Variants in CPNE4 observed in about 807,000 individuals in gnomAD.
CPNE4 encodes the protein copine-4.
Under a neutral mutation model 67.9 loss-of-function variants are expected in CPNE4, and 25 were observed. The observed-to-expected ratio is 0.37, with a 90% CI of 0.27 to 0.51. The LOEUF (loss-of-function observed/expected upper bound fraction) is 0.51, where lower values mean the gene tolerates loss of function less well. Among genes scored for constraint, CPNE4 ranks in the 20% least tolerant of loss-of-function variants. The probability of loss-of-function intolerance (pLI) is 0.93; values close to 1 mark genes in which losing one functional copy is unlikely to be tolerated. For missense variants in CPNE4, 464 were observed against 690.8 expected (o/e 0.67, Z 3.68); for synonymous variants, 242 against 244.9 (o/e 0.99, Z 0.11).
intron 10 of CPNE4, among the ~76,000 whole-genome samples, chr3:131,565,063 C>T (rs894548278): frequency 1.3e-5 from 2 of 151,966 alleles, no homozygotes; most frequent in African/African-American, 2.4e-5. Context: ...GTATCATAAT[C>T]ATGTAAGTAA....
At chr3:131,986,863 C>CAAAAAAAAAAA (rs1560740701) in intron 1 of CPNE4, among the ~76,000 whole-genome samples, 1 of 66,146 alleles carries the variant, frequency 1.5e-5, no homozygotes, top group African/African-American at 6.6e-5. Context: ...CAAAAACAAA[C>CAAAAAAAAAAA]AAACAAAAAA....
At chr3:131,961,958 C>T (rs1195271194) in intron 1 of CPNE4, among the ~76,000 whole-genome samples, 1 of 152,250 alleles carries the variant, frequency 6.6e-6, no homozygotes. Flanking sequence ...AACGTTATCT[C>T]TATCCCATCT....
At position 131,778,929 on chromosome 3, in the gene CPNE4, G is replaced by T. The variant is rs912064805; in HGVS notation, c.181-55304C>A. On this transcript the variant is annotated intron_variant, in intron 2 of 15. Coordinates refer to ENST00000429747, the MANE Select transcript of CPNE4 (RefSeq NM_130808.3). ...CCCATACTATATGATACTATACCTA[G>T]AAAAACCTCACAGTCTCTGCTGAAA... Among the ~76,000 whole-genome samples the T allele has an allele frequency of 1.2e-4, 19 of 152,094 alleles. 1 individual carries two copies. The highest frequency in any genetic ancestry group is 4.3e-4 in the African/African-American group (18 of 41,514).
At chr3:131,839,635 G>T (rs1282304664) in intron 2 of CPNE4, among the ~76,000 whole-genome samples, 1 of 151,908 alleles carries the variant, frequency 6.6e-6, no homozygotes, top group African/African-American at 2.4e-5. Context: ...ATTATTCTGA[G>T]TGGTGGGTTT....
intron 1 of CPNE4, among the ~76,000 whole-genome samples, chr3:131,998,692 A>G (rs1456288818): frequency 6.9e-6 from 1 of 145,084 alleles, no homozygotes; most frequent in East Asian, 2.0e-4. Flanking sequence ...GGCATTTACT[A>G]GTGTTGGGTA....
At chr3:131,848,362 C>A (rs1029282977) in intron 2 of CPNE4, among the ~76,000 whole-genome samples, 20 of 152,270 alleles carry the variant, frequency 1.3e-4, no homozygotes, top group Middle Eastern at 3.4e-3. Flanking sequence ...CCCCACTCAT[C>A]TTTTCTCCCT....
intron 4 of CPNE4, among the ~76,000 whole-genome samples, chr3:131,699,137 A>G (rs2081233380): frequency 6.6e-6 from 1 of 152,160 alleles, no homozygotes; most frequent in Non-Finnish European, 1.5e-5. Flanking sequence ...GTCTCTTAAT[A>G]GAAGATGTCG....
chr3:131,550,046 A>G lies in CPNE4; in HGVS notation c.1203T>C (p.Cys401=), dbSNP rs374629469. Residue 401 remains cysteine, a synonymous_variant, in exon 14 of 16, where the codon TGT becomes TGC. Transcript: ENST00000429747. ...IQGVVEAYQS[C]LPKLQLYGPT... ...GACCGTAGAGTTGGAGCTTAGGAAG[A>G]CAGCTCTGATAGGCTTCCACAACTC... 34 of 1,613,032 alleles carry G rather than the reference A, an allele frequency of 2.1e-5. No homozygotes were observed. Among genetic ancestry groups the G allele is most frequent in the Non-Finnish European group, 2.9e-5 (34 of 1,179,406 alleles).
intron 1 of CPNE4, among the ~76,000 whole-genome samples, chr3:131,909,954 A>G (rs190788403): frequency 2.0e-5 from 3 of 152,290 alleles, no homozygotes. Context: ...CACTTCTTTA[A>G]GCAACGGGAA....
At chr3:131,776,647 T>G (rs545883365) in intron 2 of CPNE4, among the ~76,000 whole-genome samples, 1 of 152,248 alleles carries the variant, frequency 6.6e-6, no homozygotes, top group East Asian at 1.9e-4. Context: ...GGGAAAACAC[T>G]GAACAAAACT....
At chr3:131,739,263 C>G (rs556119205) in intron 2 of CPNE4, among the ~76,000 whole-genome samples, 1 of 152,106 alleles carries the variant, frequency 6.6e-6, no homozygotes, top group African/African-American at 2.4e-5. Context: ...ATTCCCCTGC[C>G]CTAATCACCA....
At chr3:131,912,014 C>T (rs1420790093) in intron 1 of CPNE4, among the ~76,000 whole-genome samples, 1 of 152,180 alleles carries the variant, frequency 6.6e-6, no homozygotes, top group Non-Finnish European at 1.5e-5. Context: ...ATTTCACACA[C>T]TGCTAGAGAA....
intron 2 of CPNE4, among the ~76,000 whole-genome samples, chr3:131,740,370 T>C (rs1386493633): frequency 6.6e-6 from 1 of 152,178 alleles, no homozygotes; most frequent in African/African-American, 2.4e-5. Context: ...CCCAGATGTC[T>C]CCCCTGAACA....
chr3:132,036,707 A>G (rs1560826237), upstream of CPNE4, among the ~76,000 whole-genome samples: 2 of 152,144 alleles, frequency 1.3e-5, no homozygotes, highest in East Asian at 3.8e-4. Context: ...AAGGCAAGGG[A>G]TATGTCTGTT....
At chr3:132,023,468 A>G (rs1347700962) in intron 1 of CPNE4, among the ~76,000 whole-genome samples, 1 of 149,434 alleles carries the variant, frequency 6.7e-6, no homozygotes, top group Admixed American at 6.7e-5. Context: ...GCAATTGCAA[A>G]GCAGATCAGC....
At chr3:131,976,410 T>C (rs561370292) in intron 1 of CPNE4, among the ~76,000 whole-genome samples, 5 of 152,268 alleles carry the variant, frequency 3.3e-5, no homozygotes, top group African/African-American at 1.2e-4. Context: ...ATAAGACCAC[T>C]ATGTGGCAAT....
intron 2 of CPNE4, among the ~76,000 whole-genome samples, chr3:131,838,497 A>C (rs953512352): frequency 6.6e-6 from 1 of 151,840 alleles, no homozygotes. Context: ...TGGGTGATAC[A>C]ATATATTTAA....
intron 1 of CPNE4, among the ~76,000 whole-genome samples, chr3:132,000,192 G>A (rs58531787): frequency 0.014 from 2,105 of 152,056 alleles, 43 homozygotes; most frequent in African/African-American, 0.048. Flanking sequence ...ATAAAAATGG[G>A]ATTTAAGGAA....
intron 1 of CPNE4, among the ~76,000 whole-genome samples, chr3:131,939,271 A>C (rs187149854): frequency 5.0e-4 from 76 of 152,244 alleles, no homozygotes; most frequent in African/African-American, 1.6e-3. Context: ...TGCAGCTGTC[A>C]ACAACAACAA....
Sources: allele counts gnomAD v4.1 joint callset (sites outside exome capture counted in the v4.1 genomes callset), GRCh38; gene constraint gnomAD v4.1.1; transcripts MANE v1.5; gene names NCBI Gene and HGNC (gene_info 2026-07-23, HGNC 2026-07-21).